The following TRMT11 variants were observed in gnomAD, a reference collection of about 807,000 sequenced individuals.
TRMT11 encodes tRNA (guanine(10)-N(2))-methyltransferase TRMT11.
TRMT11 carries 53 observed loss-of-function variants against 62.8 expected under a neutral mutation model. The ratio of observed to expected loss-of-function variants is 0.84; its 90% CI spans 0.68 to 1.06. The LOEUF (loss-of-function observed/expected upper bound fraction) is 1.06. TRMT11 is among the 50% of genes least tolerant of loss of function. The probability of loss-of-function intolerance (pLI) is 0.00; values close to 1 mark genes in which losing one functional copy is unlikely to be tolerated. For synonymous variants in TRMT11, 188 were observed against 190.3 expected (o/e 0.99, Z 0.10); for missense variants, 556 against 553.4 (o/e 1.00, Z -0.05).
At chr6:126,217,069 C>A in the TRMT11 span, among the ~76,000 whole-genome samples, 378 of 152,212 alleles carry the variant, frequency 2.5e-3, no homozygotes, top group African/African-American at 8.4e-3. Context: ...TTTCAACTCC[C>A]GAATTGCTGC....
At chr6:126,151,244 C>T (rs1778034513) in intron 21 of TRMT11, among the ~76,000 whole-genome samples, 1 of 151,910 alleles carries the variant, frequency 6.6e-6, no homozygotes, top group Non-Finnish European at 1.5e-5. Context: ...GCTATGATGC[C>T]CTTTGAGAAA....
chr6:126,177,371 T>C (rs1370973764), intron 1 of TRMT11: 1 of 152,166 alleles, frequency 6.6e-6, no homozygotes, highest in Non-Finnish European at 1.5e-5. Context: ...GATTATAAGA[T>C]TTATAATGAA....
At chr6:126,022,765 T>A (rs931112512) in intron 12 of TRMT11, among the ~76,000 whole-genome samples, 3 of 152,250 alleles carry the variant, frequency 2.0e-5, no homozygotes, top group Admixed American at 2.0e-4. Context: ...ATATAAGTAG[T>A]TGATTGGTAT....
chr6:126,110,214 T>A (rs1459892828), intron 17 of TRMT11, among the ~76,000 whole-genome samples: 1 of 152,148 alleles, frequency 6.6e-6, no homozygotes, highest in Non-Finnish European at 1.5e-5. Context: ...GGGGGGCATT[T>A]AATGAAAATT....
intron 17 of TRMT11, among the ~76,000 whole-genome samples, chr6:126,060,343 G>A (rs536404682): frequency 5.9e-5 from 9 of 152,198 alleles, no homozygotes; most frequent in South Asian, 2.1e-4. Context: ...ATAATGTTTC[G>A]CCTCAGAATC....
chr6:126,075,082 T>C (rs1776979647), intron 17 of TRMT11, among the ~76,000 whole-genome samples: 1 of 152,174 alleles, frequency 6.6e-6, no homozygotes, highest in South Asian at 2.1e-4. Context: ...GTTTCTGCTA[T>C]TGTGTTCTAA....
chr6:126,135,570 C>CTAA (rs1777840854), intron 21 of TRMT11, among the ~76,000 whole-genome samples: 1 of 151,496 alleles, frequency 6.6e-6, no homozygotes, highest in African/African-American at 2.4e-5. Flanking sequence ...TGAAGAAGTA[C>CTAA]TAATACCAAT....
chr6:126,262,467 T>C, the TRMT11 span, among the ~76,000 whole-genome samples: 6 of 152,098 alleles, frequency 3.9e-5, no homozygotes, highest in Non-Finnish European at 5.9e-5. Context: ...CAGGCACCCA[T>C]GTGAATGTGA....
intron 17 of TRMT11, among the ~76,000 whole-genome samples, chr6:126,065,671 T>C (rs900262925): frequency 6.6e-6 from 1 of 152,212 alleles, no homozygotes; most frequent in African/African-American, 2.4e-5. Context: ...AATTATAAAA[T>C]GAATACTTGC....
the TRMT11 span, among the ~76,000 whole-genome samples, chr6:126,221,149 A>C: frequency 3.3e-5 from 5 of 152,148 alleles, no homozygotes; most frequent in African/African-American, 1.2e-4. Flanking sequence ...CATTTTCTTT[A>C]TTCAGTCCAC....
chr6:126,055,311 A>G (rs188202042), intron 17 of TRMT11, among the ~76,000 whole-genome samples: 52 of 152,304 alleles, frequency 3.4e-4, no homozygotes, highest in African/African-American at 1.2e-3. Flanking sequence ...GAGAGGAAGG[A>G]CAGCATGGAA....
the TRMT11 span, among the ~76,000 whole-genome samples, chr6:126,251,606 G>A: frequency 1.6e-4 from 24 of 152,068 alleles, no homozygotes; most frequent in Non-Finnish European, 1.8e-4. Flanking sequence ...TATATCCTTT[G>A]ACCAACATCT....
At chr6:126,177,109 G>T (rs570791605), upstream of TRMT11, 1 of 152,022 alleles carries the variant, frequency 6.6e-6, no homozygotes, top group Non-Finnish European at 1.5e-5. Flanking sequence ...TTTCATCAGA[G>T]TCAAGAAAAT....
In TRMT11 at chr6:125,998,583, A is replaced by G; in HGVS notation, c.421A>G (p.Asn141Asp). The part of the protein sequence containing the change: ...LEFLPFEGKV[N>D]LKKPQHVFSV... ...ATTTCTGCCATTTGAAGGAAAAGTGAATTTAAAGAAACCGCAACATGTATT... is the reference window on the plus strand; with the variant it reads ...ATTTCTGCCATTTGAAGGAAAAGTGGATTTAAAGAAACCGCAACATGTATT... Residue 141 changes from asparagine to aspartate, a missense_variant, in exon 6 of 13, where the codon AAT becomes GAT. Asn to Asp is a conservative substitution (Grantham distance 23). Transcript: ENST00000334379. 6.2e-7 allele frequency: 1 copy of G among 1,613,316 alleles called. No homozygotes were observed. The highest frequency in any genetic ancestry group is 8.5e-7 in the Non-Finnish European group (1 of 1,179,670).
At chr6:126,018,983 C>T (rs545824593) in intron 11 of TRMT11, among the ~76,000 whole-genome samples, 6 of 152,122 alleles carry the variant, frequency 3.9e-5, no homozygotes, top group East Asian at 1.9e-4. Context: ...CAGGTTTGAG[C>T]GATTCTCCTG....
intron 7 of TRMT11, among the ~76,000 whole-genome samples, 157 bp from the exon 8 acceptor site, chr6:126,008,235 G>GT (rs1227144133): frequency 2.6e-5 from 4 of 152,032 alleles, no homozygotes; most frequent in Non-Finnish European, 5.9e-5. Context: ...TTAGGGGTTT[G>GT]TTTTTTCAGT....
intron 2 of TRMT11, 47 bp from the exon 3 acceptor site, chr6:125,995,920 G>T: frequency 8.7e-7 from 1 of 1,143,854 alleles, no homozygotes; most frequent in Non-Finnish European, 1.3e-6. Context: ...AGCATATGAG[G>T]CCATGTAGCC....
At chr6:126,067,440 A>T (rs1317541674) in intron 17 of TRMT11, among the ~76,000 whole-genome samples, 1 of 152,164 alleles carries the variant, frequency 6.6e-6, no homozygotes. Flanking sequence ...GGCATCTTCA[A>T]ACAGAGTTTA....
intron 21 of TRMT11, among the ~76,000 whole-genome samples, chr6:126,166,222 T>G (rs571857940): frequency 2.1e-4 from 32 of 152,192 alleles, no homozygotes; most frequent in African/African-American, 7.0e-4. Flanking sequence ...TTCCATTGGG[T>G]TTTTGGAATT....
Sources: gnomAD v4.1 joint callset for allele counts (sites outside exome capture counted in the v4.1 genomes callset) on GRCh38, gnomAD v4.1.1 for gene constraint, MANE v1.5 for transcripts, NCBI Gene and HGNC (gene_info 2026-07-23, HGNC 2026-07-21) for gene names.